HTR7: variants seen among roughly 807,000 people sequenced by gnomAD.
HTR7 encodes 5-HT-7.
HTR7 carries 16 observed loss-of-function variants against 34.0 expected under a neutral mutation model. That is an observed-to-expected ratio of 0.47 (90% confidence interval 0.32 to 0.71). HTR7 has a LOEUF of 0.71. Ranked by LOEUF, HTR7 falls within the 30% of genes least tolerant of loss-of-function variation. HTR7 has a pLI of 0.04. For synonymous variants in HTR7, 265 were observed against 260.2 expected, an observed-to-expected ratio of 1.02 and a Z score of -0.18; for missense variants, 504 against 625.5, an observed-to-expected ratio of 0.81 and a Z score of 2.07.
intron 1 of HTR7, among the ~76,000 whole-genome samples, chr10:90,818,347 G>A (rs1845928995): frequency 6.6e-6 from 1 of 152,114 alleles, no homozygotes; most frequent in Non-Finnish European, 1.5e-5. Context: ...GGAGTTCAAG[G>A]CCAGCCTGGC....
At chr10:90,753,373 A>AAGAGAGAG (rs150993996) in intron 1 of HTR7, among the ~76,000 whole-genome samples, 2 of 150,442 alleles carry the variant, frequency 1.3e-5, no homozygotes, top group Admixed American at 1.3e-4. Context: ...CTCTATTTTA[A>AAGAGAGAG]AGAGAGAGAG....
intron 1 of HTR7, among the ~76,000 whole-genome samples, chr10:90,817,894 G>T (rs900423305): frequency 1.3e-5 from 2 of 152,112 alleles, no homozygotes; most frequent in African/African-American, 2.4e-5. Context: ...AAAACAAAAT[G>T]AGCTACTGAT....
chr10:90,775,995 T>A (rs1340557216), intron 1 of HTR7, among the ~76,000 whole-genome samples: 1 of 152,252 alleles, frequency 6.6e-6, no homozygotes, highest in Non-Finnish European at 1.5e-5. Flanking sequence ...CTAAATATAA[T>A]TTCCACATAT....
At chr10:90,772,531 C>T (rs550348937) in intron 1 of HTR7, among the ~76,000 whole-genome samples, 1 of 152,284 alleles carries the variant, frequency 6.6e-6, no homozygotes, top group South Asian at 2.1e-4. Context: ...TCCCTTTTCA[C>T]ATGACGTATC....
chr10:90,839,879 T>C (rs1846302222), intron 1 of HTR7, among the ~76,000 whole-genome samples: 1 of 152,134 alleles, frequency 6.6e-6, no homozygotes, highest in Non-Finnish European at 1.5e-5. Context: ...CACACAGGAA[T>C]TGACTGTAAA....
intron 1 of HTR7, among the ~76,000 whole-genome samples, chr10:90,760,231 C>G (rs1231540026): frequency 1.3e-5 from 2 of 152,126 alleles, no homozygotes; most frequent in Non-Finnish European, 2.9e-5. Flanking sequence ...AACTGGAAGA[C>G]ATTAAGTGAA....
intron 1 of HTR7, among the ~76,000 whole-genome samples, chr10:90,773,281 T>C (rs1275555990): frequency 6.6e-6 from 1 of 152,102 alleles, no homozygotes; most frequent in Non-Finnish European, 1.5e-5. Context: ...CAAGAAAAAA[T>C]GCTCCTTTTA....
intron 1 of HTR7, among the ~76,000 whole-genome samples, chr10:90,823,243 C>T (rs1222524339): frequency 6.6e-6 from 1 of 152,166 alleles, no homozygotes; most frequent in Non-Finnish European, 1.5e-5. Context: ...TAAAAGCAGC[C>T]GAGGGGGCTA....
Position 90,857,747 on chromosome 10 carries a change from C to A in HTR7, c.-76G>T. 1 of 1,360,360 alleles carries A rather than the reference C, an allele frequency of 7.4e-7. No individual in the cohort carries two copies. Among genetic ancestry groups the A allele is most frequent in the South Asian group, 1.6e-5 (1 of 60,838 alleles). 84.3% of individuals were successfully genotyped at this position (1,360,360 alleles called of 1,614,324 possible). A position where few individuals can be genotyped will look rare whatever the true frequency, so the allele number is the denominator to read the frequency against. On this transcript the variant is annotated 5_prime_UTR_variant, in exon 1 of 4. Coordinates refer to ENST00000336152, the MANE Select transcript of HTR7 (RefSeq NM_019859.4). The surrounding 1 kb of genome is among the most constrained non-coding windows in gnomAD (Gnocchi z 6.5). ...TCCGGCTGCCGGCCCCGGGGCTTCA[C>A]CTCACCGGTTCCGCTCCGCCCGGCC...
At chr10:90,821,125 C>T (rs954695783) in intron 1 of HTR7, among the ~76,000 whole-genome samples, 2 of 100,978 alleles carry the variant, frequency 2.0e-5, no homozygotes, top group East Asian at 3.1e-4. Flanking sequence ...CACAAACACA[C>T]ACACACATGC....
intron 1 of HTR7, among the ~76,000 whole-genome samples, chr10:90,794,288 T>C (rs901836080): frequency 6.6e-6 from 1 of 152,172 alleles, no homozygotes; most frequent in African/African-American, 2.4e-5. Flanking sequence ...CCGTCATCTC[T>C]TGCGATAAAA....
At chr10:90,759,407 G>A (rs966484818) in intron 1 of HTR7, among the ~76,000 whole-genome samples, 14 of 151,792 alleles carry the variant, frequency 9.2e-5, no homozygotes, top group Non-Finnish European at 1.5e-4. Flanking sequence ...TGTAATCCCA[G>A]CACTTTGGGA....
At chr10:90,808,258 G>T (rs1024262881) in intron 1 of HTR7, among the ~76,000 whole-genome samples, 2 of 151,804 alleles carry the variant, frequency 1.3e-5, no homozygotes. Flanking sequence ...CACCTTTCTG[G>T]GGGGCAAGAA....
At position 90,748,936 on chromosome 10, in the gene HTR7, G is replaced by C. The variant is rs746326199; in HGVS notation, c.1198C>G (p.Gln400Glu). The change falls in exon 2 of 4, where the codon CAG becomes GAG. Residue 400 changes from glutamine to glutamate, a missense_variant. Gln to Glu is a conservative substitution (Grantham distance 29, BLOSUM62 2). Around this residue, in one of 4 missense-constraint regions of HTR7, gnomAD observed 154 missense variants for 212.1 expected, o/e 0.73. Transcript: ENST00000336152. ...CGGTTGATATTCCGGTACTGGCACT[G>C]GAGCAGGCTGCGATAGGTGGTCCTC... ...DLRTTYRSLL[Q>E]CQYRNINRKL... is the part of the protein sequence containing the mutation. 6.2e-7 allele frequency: 1 copy of C among 1,614,174 alleles called. No individual in the cohort carries two copies. Among genetic ancestry groups the C allele is most frequent in the South Asian group, 1.1e-5 (1 of 91,078 alleles).
At chr10:90,832,343 C>T (rs929923856) in intron 1 of HTR7, among the ~76,000 whole-genome samples, 8 of 152,248 alleles carry the variant, frequency 5.3e-5, no homozygotes, top group African/African-American at 1.2e-4. Context: ...AGCTAAGGCC[C>T]GGCTAGAAAT....
intron 1 of HTR7, among the ~76,000 whole-genome samples, chr10:90,856,048 G>C (rs922998568): frequency 2.6e-5 from 4 of 152,082 alleles, no homozygotes; most frequent in Admixed American, 2.6e-4. Context: ...ACCATCCTTT[G>C]AGGCACTGTC....
At chr10:90,780,363 C>T (rs931919340) in intron 1 of HTR7, among the ~76,000 whole-genome samples, 7 of 152,004 alleles carry the variant, frequency 4.6e-5, no homozygotes, top group Admixed American at 3.3e-4. Context: ...TGGTGAAACC[C>T]CATCTCTACT....
intron 1 of HTR7, among the ~76,000 whole-genome samples, chr10:90,810,616 AT>A (rs2119964182): frequency 6.6e-6 from 1 of 152,252 alleles, no homozygotes; most frequent in South Asian, 2.1e-4. Context: ...TGCTGAACCC[AT>A]ATACTCTCCT....
intron 1 of HTR7, among the ~76,000 whole-genome samples, chr10:90,840,494 C>T (rs1229425887): frequency 1.3e-5 from 2 of 152,186 alleles, no homozygotes; most frequent in Non-Finnish European, 2.9e-5. Context: ...GTCCTCAACA[C>T]CCAACACTTA....
Sources: allele counts gnomAD v4.1 joint callset (sites outside exome capture counted in the v4.1 genomes callset), GRCh38; gene constraint gnomAD v4.1.1; regional missense constraint gnomAD v4.1.1; non-coding constraint Gnocchi (gnomAD v3.1); transcripts MANE v1.5; gene names NCBI Gene and HGNC (gene_info 2026-07-23, HGNC 2026-07-21).